TSNARE1: variants seen among roughly 807,000 people sequenced by gnomAD.
The protein encoded by TSNARE1 is t-SNARE domain-containing protein 1.
TSNARE1 carries 49 observed loss-of-function variants against 62.0 expected under a neutral mutation model. The ratio of observed to expected loss-of-function variants is 0.79; its 90% CI spans 0.63 to 1.00. The LOEUF (loss-of-function observed/expected upper bound fraction) is 1.00. Among genes scored for constraint, TSNARE1 ranks in the 50% least tolerant of loss-of-function variants. The probability of loss-of-function intolerance (pLI) is 0.00; values close to 1 mark genes in which losing one functional copy is unlikely to be tolerated. For synonymous variants in TSNARE1, 328 were observed against 294.4 expected (o/e 1.11, Z -1.17); for missense variants, 755 against 700.1 (o/e 1.08, Z -0.88).
intron 11 of TSNARE1, chr8:142,276,772 T>C (rs1389597414): frequency 5.1e-6 from 5 of 985,278 alleles, no homozygotes; most frequent in African/African-American, 3.5e-5. Context: ...TGGGGACTGA[T>C]GTCCTGCTGC....
At chr8:142,233,708 G>C (rs1428077387) in intron 12 of TSNARE1, among the ~76,000 whole-genome samples, 1 of 152,184 alleles carries the variant, frequency 6.6e-6, no homozygotes, top group Non-Finnish European at 1.5e-5. Flanking sequence ...CCAGTGCCTA[G>C]GTTATGGTTT....
intron 11 of TSNARE1, chr8:142,278,374 T>C: frequency 1.0e-6 from 1 of 985,460 alleles, no homozygotes; most frequent in Middle Eastern, 5.2e-4. Context: ...CTGCCTGTCC[T>C]GTGAGGCTGG....
intron 12 of TSNARE1, among the ~76,000 whole-genome samples, chr8:142,239,619 T>G (rs1817592269): frequency 6.6e-6 from 1 of 152,364 alleles, no homozygotes; most frequent in African/African-American, 2.4e-5. Context: ...GCGTGGAAAG[T>G]GAATGCACCA....
At chr8:142,280,071 G>A (rs868109452) in intron 11 of TSNARE1, 16 of 1,228,462 alleles carry the variant, frequency 1.3e-5, no homozygotes, top group Middle Eastern at 7.0e-4. Context: ...CTGCCTGCAG[G>A]ATGCGGCTCC....
intron 12 of TSNARE1, among the ~76,000 whole-genome samples, chr8:142,257,651 T>C (rs1170256107): frequency 6.6e-6 from 1 of 152,036 alleles, no homozygotes; most frequent in Non-Finnish European, 1.5e-5. Flanking sequence ...CCTCCCAGGT[T>C]ACAACTCCAG....
At chr8:142,293,724 C>A (rs544794698) in intron 10 of TSNARE1, among the ~76,000 whole-genome samples, 2 of 152,324 alleles carry the variant, frequency 1.3e-5, no homozygotes, top group East Asian at 3.9e-4. Flanking sequence ...CACCTCGGAT[C>A]GAGGGTCATC....
intron 12 of TSNARE1, chr8:142,270,965 T>G: frequency 1.0e-6 from 1 of 985,552 alleles, no homozygotes; most frequent in Non-Finnish European, 1.2e-6. Flanking sequence ...TCTCCTGGAC[T>G]GGAGTTGTCC....
intron 12 of TSNARE1, chr8:142,270,280 G>C (rs1563794184): frequency 1.0e-6 from 1 of 985,328 alleles, no homozygotes. Flanking sequence ...ACGCAGGGAA[G>C]TGCCCAGGCC....
intron 1 of TSNARE1, among the ~76,000 whole-genome samples, chr8:142,402,632 C>G (rs1838380147): frequency 6.6e-6 from 1 of 152,242 alleles, no homozygotes; most frequent in Non-Finnish European, 1.5e-5. Flanking sequence ...GGCAAGCACA[C>G]AGGAACGGGG....
chr8:142,274,660 G>C, intron 12 of TSNARE1, 121 bp downstream of exon 12: 2 of 1,370,576 alleles, frequency 1.5e-6, no homozygotes. Context: ...GGAGGCCTGT[G>C]GGCATGCCCC....
intron 9 of TSNARE1, among the ~76,000 whole-genome samples, chr8:142,306,800 C>T (rs1014825166): frequency 3.4e-4 from 51 of 152,216 alleles, no homozygotes; most frequent in African/African-American, 1.2e-3. Context: ...CTACTGGCCA[C>T]TCCCCACCTT....
At chr8:142,213,220 C>T (rs1815661681) in intron 13 of TSNARE1, among the ~76,000 whole-genome samples, 1 of 64,246 alleles carries the variant, frequency 1.6e-5, no homozygotes, top group Non-Finnish European at 3.0e-5. Context: ...CCGCCTCCCT[C>T]TCTCCCCTCC....
chr8:142,215,032 C>G (rs1281654966), intron 13 of TSNARE1, among the ~76,000 whole-genome samples: 1 of 152,238 alleles, frequency 6.6e-6, no homozygotes, highest in East Asian at 1.9e-4. Flanking sequence ...TCATCACACT[C>G]TGTCCATGCT....
At chr8:142,263,201 G>C (rs1228707572) in intron 12 of TSNARE1, among the ~76,000 whole-genome samples, 1 of 152,168 alleles carries the variant, frequency 6.6e-6, no homozygotes, top group Non-Finnish European at 1.5e-5. Context: ...TTTCTATTTT[G>C]ATGAGTCTTA....
At chr8:142,289,314 G>A (rs1421009070) in intron 10 of TSNARE1, among the ~76,000 whole-genome samples, 1 of 152,104 alleles carries the variant, frequency 6.6e-6, no homozygotes, top group African/African-American at 2.4e-5. Context: ...CACAGGCCCT[G>A]GGCACGGCCA....
chr8:142,377,397 T>C (rs1466543192), intron 1 of TSNARE1, among the ~76,000 whole-genome samples: 1 of 147,088 alleles, frequency 6.8e-6, no homozygotes, highest in East Asian at 2.0e-4. Context: ...ATAGGCAAAA[T>C]TAAAAGGCAA....
At chr8:142,236,518 C>T (rs1817432775) in intron 12 of TSNARE1, among the ~76,000 whole-genome samples, 1 of 147,078 alleles carries the variant, frequency 6.8e-6, no homozygotes, top group Admixed American at 6.7e-5. Context: ...TGGCCCCCCT[C>T]CCCTGTTTCT....
At chr8:142,315,847 C>T (rs751644948) in intron 7 of TSNARE1, among the ~76,000 whole-genome samples, 1 of 152,260 alleles carries the variant, frequency 6.6e-6, no homozygotes, top group African/African-American at 2.4e-5. Flanking sequence ...GCACTGGGAG[C>T]AGCCTACCAC....
intron 10 of TSNARE1, among the ~76,000 whole-genome samples, chr8:142,298,252 T>C (rs1429765479): frequency 6.6e-6 from 1 of 152,228 alleles, no homozygotes; most frequent in African/African-American, 2.4e-5. Context: ...GGGGCGCCCT[T>C]GCCCTGGGAA....
Sources: gnomAD v4.1 joint callset for allele counts (sites outside exome capture counted in the v4.1 genomes callset) on GRCh38, gnomAD v4.1.1 for gene constraint, MANE v1.5 for transcripts, NCBI Gene and HGNC (gene_info 2026-07-23, HGNC 2026-07-21) for gene names.